PCDH7: variants seen among roughly 807,000 people sequenced by gnomAD.
PCDH7 encodes protocadherin-7.
A neutral mutation model predicts 58.9 loss-of-function variants in PCDH7; 17 were observed. The ratio of observed to expected loss-of-function variants is 0.29; its 90% CI spans 0.20 to 0.43. The LOEUF (loss-of-function observed/expected upper bound fraction) is 0.43, where lower values mean the gene tolerates loss of function less well. PCDH7 is among the 20% of genes least tolerant of loss of function. The pLI, the probability that PCDH7 is intolerant of heterozygous loss-of-function variation, is 1.00. For missense variants in PCDH7, 1,274 were observed against 1,441.0 expected (o/e 0.88, Z 1.88); for synonymous variants, 664 against 616.4 (o/e 1.08, Z -1.14).
intron 1 of PCDH7, among the ~76,000 whole-genome samples, chr4:30,857,280 C>A: frequency 6.6e-6 from 1 of 152,022 alleles, no homozygotes; most frequent in East Asian, 1.9e-4. Flanking sequence ...GAAACCTAAC[C>A]ATTTTAGACT....
chr4:30,936,430 T>C (rs1431964724), intron 2 of PCDH7, among the ~76,000 whole-genome samples: 1 of 152,112 alleles, frequency 6.6e-6, no homozygotes, highest in Non-Finnish European at 1.5e-5. Context: ...CCATTATAAT[T>C]ATTTATATTT....
chr4:30,909,620 G>A (rs972920605), intron 1 of PCDH7, among the ~76,000 whole-genome samples: 1 of 152,080 alleles, frequency 6.6e-6, no homozygotes, highest in Non-Finnish European at 1.5e-5. Context: ...AACTTACAAA[G>A]GATGTGAAGG....
intron 1 of PCDH7, among the ~76,000 whole-genome samples, chr4:30,783,385 T>A (rs1177554248): frequency 1.3e-5 from 2 of 152,214 alleles, no homozygotes; most frequent in African/African-American, 4.8e-5. Context: ...TCATACTTTT[T>A]ATTTTTCCCT....
chr4:31,019,744 A>G (rs1753886318), intron 3 of PCDH7, among the ~76,000 whole-genome samples: 1 of 151,926 alleles, frequency 6.6e-6, no homozygotes, highest in African/African-American at 2.4e-5. Context: ...TAACTACAGG[A>G]GAGGAACCAT....
At chr4:30,856,737 G>C (rs1733516748) in intron 1 of PCDH7, among the ~76,000 whole-genome samples, 1 of 149,478 alleles carries the variant, frequency 6.7e-6, no homozygotes, top group Admixed American at 6.7e-5. Flanking sequence ...CTTTAAACAA[G>C]TGTAAGCCAG....
chr4:30,738,784 C>A (rs77888901), intron 1 of PCDH7, among the ~76,000 whole-genome samples: 2,127 of 152,130 alleles, frequency 0.014, 57 homozygotes, highest in African/African-American at 0.049. Flanking sequence ...GAGAGGGAGT[C>A]AGTTGAAACA....
At chr4:31,116,358 C>T (rs1438070160) in intron 3 of PCDH7, among the ~76,000 whole-genome samples, 6 of 152,170 alleles carry the variant, frequency 3.9e-5, no homozygotes, top group African/African-American at 1.4e-4. Flanking sequence ...TAGGCAGTAA[C>T]CAAAATGAGC....
chr4:30,903,593 T>C (rs1740509753), intron 1 of PCDH7, among the ~76,000 whole-genome samples: 2 of 152,110 alleles, frequency 1.3e-5, no homozygotes, highest in African/African-American at 2.4e-5. Context: ...CAGATCTTCA[T>C]TGCATCTTTA....
At chr4:31,008,927 G>T (rs1472588566) in intron 3 of PCDH7, among the ~76,000 whole-genome samples, 2 of 151,830 alleles carry the variant, frequency 1.3e-5, no homozygotes, top group African/African-American at 4.8e-5. Context: ...TTTTAGATAA[G>T]TCCCCTGGCT....
intron 1 of PCDH7, among the ~76,000 whole-genome samples, chr4:30,876,978 T>A (rs1450524095): frequency 6.6e-6 from 1 of 152,106 alleles, no homozygotes; most frequent in Admixed American, 6.6e-5. Flanking sequence ...ATCGTTATGA[T>A]GAATAATTTA....
Position 30,787,830 on chromosome 4 carries a change from T to C in PCDH7, c.70+63234T>C, listed in dbSNP as rs547258033. ...AATTTAATGATTAGCATTTGCACTT[T>C]GGTTTGTTACCTAGAATGTAAAGAG... is the stretch of plus-strand genomic sequence containing the variant. On this transcript the variant is annotated intron_variant, in intron 1 of 3. Coordinates refer to the PCDH7 transcript ENST00000509759. Among the ~76,000 whole-genome samples the C allele has an allele frequency of 6.6e-5, 10 of 152,204 alleles. No individual in the cohort carries two copies. In the South Asian group the frequency reaches 1.9e-3, roughly 28 times the overall value.
intron 2 of PCDH7, among the ~76,000 whole-genome samples, chr4:30,937,490 A>G (rs1049028819): frequency 6.6e-6 from 1 of 152,140 alleles, no homozygotes; most frequent in Non-Finnish European, 1.5e-5. Context: ...TATTTTAATT[A>G]TGCCTGCCAA....
chr4:31,021,970 A>G (rs540655826), intron 3 of PCDH7, among the ~76,000 whole-genome samples: 2 of 152,176 alleles, frequency 1.3e-5, no homozygotes, highest in East Asian at 3.9e-4. Flanking sequence ...AGGTGAATGT[A>G]CCTTTGGTTA....
chr4:30,743,531 G>A (rs1209040007), intron 1 of PCDH7, among the ~76,000 whole-genome samples: 2 of 151,884 alleles, frequency 1.3e-5, no homozygotes, highest in Admixed American at 1.3e-4. Context: ...AAAGGAAAAA[G>A]ATAGAAATAA....
chr4:30,906,145 C>T (rs1467252950), intron 1 of PCDH7, among the ~76,000 whole-genome samples: 1 of 152,094 alleles, frequency 6.6e-6, no homozygotes, highest in Non-Finnish European at 1.5e-5. Flanking sequence ...ATTTTCAAAG[C>T]CAGGCAGTAT....
intron 1 of PCDH7, among the ~76,000 whole-genome samples, chr4:30,835,317 T>C (rs1206653512): frequency 1.3e-5 from 2 of 151,962 alleles, no homozygotes; most frequent in African/African-American, 4.8e-5. Context: ...CTGCCTGAGC[T>C]CTGTCTCCTG....
rs186838922 is a variant in PCDH7, at chr4:30,745,159, A to G, written c.70+20563A>G. Among the ~76,000 whole-genome samples, 875 of 152,220 alleles carry G rather than the reference A, an allele frequency of 5.7e-3. 5 individuals are homozygous for G. The highest frequency in any genetic ancestry group is 0.017 in the Middle Eastern group (5 of 294). On this transcript the variant is annotated intron_variant, in intron 1 of 3. Transcript: ENST00000509759. ...ATTTCTGGAATGTTTACACCCTCCC[A>G]TGGCAACTTCTTTGAAGAGTACAAT...
intron 3 of PCDH7, among the ~76,000 whole-genome samples, chr4:31,085,516 T>C (rs982872297): frequency 1.3e-5 from 2 of 152,172 alleles, no homozygotes; most frequent in African/African-American, 4.8e-5. Flanking sequence ...TCTCCCAAAG[T>C]TACTTTAGCC....
exon 2 of PCDH7, chr4:30,920,334 A>G (rs1743033680): frequency 7.3e-7 from 1 of 1,367,522 alleles, no homozygotes; most frequent in African/African-American, 1.5e-5. Context: ...ACCACGCCGG[A>G]TGGCAGTGTT....
Sources: allele counts gnomAD v4.1 joint callset (sites outside exome capture counted in the v4.1 genomes callset), GRCh38; gene constraint gnomAD v4.1.1; transcripts MANE v1.5; gene names NCBI Gene and HGNC (gene_info 2026-07-23, HGNC 2026-07-21).